BCL2: variants seen among roughly 807,000 people sequenced by gnomAD.
BCL2 encodes BCL2 apoptosis regulator.
In BCL2, 1 loss-of-function variant was observed where a neutral mutation model predicts 14.2. That is an observed-to-expected ratio of 0.07 (90% CI 0.02 to 0.33). The LOEUF is 0.33. Among genes scored for constraint, BCL2 ranks in the 10% least tolerant of loss-of-function variants. BCL2 has a pLI of 0.99. For synonymous variants in BCL2, 151 were observed against 137.2 expected (o/e 1.10, Z -0.70); for missense variants, 247 against 305.9 (o/e 0.81, Z 1.44).
At chr18:63,134,110 G>T (rs1243410385) in intron 2 of BCL2, among the ~76,000 whole-genome samples, 1 of 152,108 alleles carries the variant, frequency 6.6e-6, no homozygotes, top group Non-Finnish European at 1.5e-5. Context: ...AAAGGAAAAC[G>T]CAAAGATGTT....
chr18:63,214,946 T>C (rs1344605786), intron 2 of BCL2, among the ~76,000 whole-genome samples: 1 of 152,158 alleles, frequency 6.6e-6, no homozygotes, highest in East Asian at 1.9e-4. Context: ...TGACCTCAAG[T>C]GACCCACCTG....
chr18:63,233,728 G>T (rs1258555456), intron 2 of BCL2, among the ~76,000 whole-genome samples: 2 of 152,138 alleles, frequency 1.3e-5, no homozygotes, highest in Non-Finnish European at 2.9e-5. Context: ...TGGCCTGGGG[G>T]CTGGGGACCC....
chr18:63,223,368 C>T (rs192669323), intron 2 of BCL2, among the ~76,000 whole-genome samples: 191 of 150,810 alleles, frequency 1.3e-3, no homozygotes, highest in African/African-American at 4.3e-3. Context: ...TCACTGCACT[C>T]CAGCCTGGGC....
chr18:63,171,815 A>C (rs1642252842), intron 2 of BCL2, among the ~76,000 whole-genome samples: 1 of 152,152 alleles, frequency 6.6e-6, no homozygotes, highest in Non-Finnish European at 1.5e-5. Flanking sequence ...TCTCTACAAA[A>C]AATTAAAAGA....
At chr18:63,169,361 C>A (rs1915155227) in intron 2 of BCL2, among the ~76,000 whole-genome samples, 1 of 60,526 alleles carries the variant, frequency 1.7e-5, no homozygotes, top group African/African-American at 8.3e-5. Context: ...TTCTTTCTTT[C>A]TTTCTTTCTC....
chr18:63,254,551 C>A (rs1166725107), intron 2 of BCL2, among the ~76,000 whole-genome samples: 1 of 150,916 alleles, frequency 6.6e-6, no homozygotes, highest in Non-Finnish European at 1.5e-5. Flanking sequence ...CAAGACCCTG[C>A]CTTAAAAAAA....
chr18:63,260,966 TAAAAG>T (rs1229172109), intron 2 of BCL2, among the ~76,000 whole-genome samples: 3 of 152,154 alleles, frequency 2.0e-5, no homozygotes, highest in African/African-American at 7.2e-5. Context: ...CACAAAGAAT[TAAAAG>T]AAGAAGAACA....
At chr18:63,130,473 T>C (rs1455446986) in intron 2 of BCL2, among the ~76,000 whole-genome samples, 1 of 152,220 alleles carries the variant, frequency 6.6e-6, no homozygotes, top group Non-Finnish European at 1.5e-5. Flanking sequence ...TAAATGTTTG[T>C]TCACTTAAGC....
At chr18:63,155,358 A>G (rs1914750506) in intron 2 of BCL2, among the ~76,000 whole-genome samples, 2 of 152,236 alleles carry the variant, frequency 1.3e-5, no homozygotes, top group East Asian at 1.9e-4. Context: ...GAAACTGTAC[A>G]GCAAGTCAAC....
At chr18:63,275,137 C>G (rs751536842) in intron 2 of BCL2, among the ~76,000 whole-genome samples, 7 of 151,498 alleles carry the variant, frequency 4.6e-5, no homozygotes, top group Non-Finnish European at 8.8e-5. Flanking sequence ...AATCCCTGTA[C>G]TTTGGGAGGC....
At position 63,318,066 on chromosome 18, in the gene BCL2, C is replaced by T. The variant is rs371685903; in HGVS notation, c.585+16G>A. ...CTGTGGCCTCAGCCCAGACTCACAT[C>T]ACCAAGTGCACCTACCCAGCCTCCG... is the stretch of plus-strand genomic sequence containing the variant. On this transcript the variant is annotated intron_variant, in intron 2 of 2. Transcript: ENST00000333681. This position sits in a 1 kb window ranked among gnomAD's most constrained non-coding sequence, Gnocchi z 7.4. 3 of 1,613,058 alleles carry T rather than the reference C, an allele frequency of 1.9e-6. No homozygotes were observed. The highest frequency in any genetic ancestry group is 1.1e-5 in the South Asian group (1 of 90,944).
rs75404714 is a variant in BCL2, at chr18:63,271,542, G to A, written c.585+46540C>T. Among the ~76,000 whole-genome samples, 265 of 152,276 alleles carry A rather than the reference G, an allele frequency of 1.7e-3. 1 individual carries two copies. Among genetic ancestry groups the A allele is most frequent in the African/African-American group, 5.7e-3 (237 of 41,542 alleles). Reference sequence around the variant, plus strand: ...CTCTAAAAGGATGGATGAACTCGCCGATTCAACTTTAGTTTTTAGGTACAT... The same window carrying A: ...CTCTAAAAGGATGGATGAACTCGCCAATTCAACTTTAGTTTTTAGGTACAT... On this transcript the variant is annotated intron_variant, in intron 2 of 2. Coordinates refer to ENST00000333681, the MANE Select transcript of BCL2 (RefSeq NM_000633.3).
intron 2 of BCL2, among the ~76,000 whole-genome samples, chr18:63,143,356 G>A (rs191196716): frequency 6.6e-6 from 1 of 152,358 alleles, no homozygotes; most frequent in African/African-American, 2.4e-5. Flanking sequence ...TGGCTGACCT[G>A]ACCCAAGGAC....
chr18:63,222,579 A>T (rs1379497384), intron 2 of BCL2, among the ~76,000 whole-genome samples: 1 of 152,244 alleles, frequency 6.6e-6, no homozygotes, highest in African/African-American at 2.4e-5. Context: ...AAAATAAAGT[A>T]GAACTCCTAG....
chr18:63,306,975 C>G (rs978808883), intron 2 of BCL2, among the ~76,000 whole-genome samples: 7 of 152,066 alleles, frequency 4.6e-5, no homozygotes, highest in African/African-American at 1.7e-4. Flanking sequence ...AGACTATCAG[C>G]CACGCCGCTC....
intron 2 of BCL2, among the ~76,000 whole-genome samples, chr18:63,228,364 A>G (rs906311093): frequency 1.3e-5 from 2 of 152,224 alleles, no homozygotes; most frequent in African/African-American, 4.8e-5. Flanking sequence ...GCCTCTGCTC[A>G]AGTGTCAACT....
chr18:63,192,854 G>C (rs990850561), intron 2 of BCL2, among the ~76,000 whole-genome samples: 7 of 152,216 alleles, frequency 4.6e-5, no homozygotes, highest in African/African-American at 7.2e-5. Flanking sequence ...AGCACTGACA[G>C]ATTCCATACT....
chr18:63,171,998 C>G (rs548347840), intron 2 of BCL2, among the ~76,000 whole-genome samples: 28 of 152,176 alleles, frequency 1.8e-4, no homozygotes, highest in Non-Finnish European at 3.8e-4. Flanking sequence ...TAGATACATA[C>G]ATAAATATAT....
intron 2 of BCL2, among the ~76,000 whole-genome samples, chr18:63,271,333 C>T (rs1911997056): frequency 6.6e-6 from 1 of 152,118 alleles, no homozygotes; most frequent in South Asian, 2.1e-4. Context: ...ACCCCTTCTC[C>T]AGATGAATGA....
Sources: allele counts gnomAD v4.1 joint callset (sites outside exome capture counted in the v4.1 genomes callset), GRCh38; gene constraint gnomAD v4.1.1; non-coding constraint Gnocchi (gnomAD v3.1); transcripts MANE v1.5; gene names NCBI Gene and HGNC (gene_info 2026-07-23, HGNC 2026-07-21).